The following SLC10A7 variants were observed in gnomAD, a reference collection of about 807,000 sequenced individuals.
The protein encoded by SLC10A7 is sodium/bile acid cotransporter 7.
In SLC10A7, 29 loss-of-function variants were observed where a neutral mutation model predicts 43.2. That is an observed-to-expected ratio of 0.67 (90% CI 0.50 to 0.92). The LOEUF (loss-of-function observed/expected upper bound fraction) is 0.92, where lower values mean the gene tolerates loss of function less well. Among genes scored for constraint, SLC10A7 ranks in the 40% least tolerant of loss-of-function variants. SLC10A7 has a pLI of 0.00. For missense variants in SLC10A7, 295 were observed against 403.2 expected (o/e 0.73, Z 2.30); for synonymous variants, 152 against 144.8 (o/e 1.05, Z -0.35).
chr4:146,409,269 A>G (rs934863104), intron 5 of SLC10A7, among the ~76,000 whole-genome samples: 6 of 152,028 alleles, frequency 3.9e-5, no homozygotes, highest in Non-Finnish European at 8.8e-5. Context: ...AATCTCTTCT[A>G]AAAAGTAAGT....
chr4:146,272,685 G>T (rs955353721), intron 10 of SLC10A7, among the ~76,000 whole-genome samples: 6 of 152,190 alleles, frequency 3.9e-5, no homozygotes, highest in African/African-American at 1.4e-4. Flanking sequence ...CTGTTTGCAA[G>T]TTGAAATTGA....
intron 5 of SLC10A7, among the ~76,000 whole-genome samples, chr4:146,370,598 A>C (rs1240836746): frequency 1.3e-5 from 2 of 152,214 alleles, no homozygotes; most frequent in East Asian, 3.8e-4. Context: ...TTCAGGGCAC[A>C]AAGAAGAATA....
rs1044512184 is a variant in SLC10A7 at position 146,352,100 on chromosome 4, A to G, written c.436-26104T>C. ...AAAGACACAGACTGGCAAGTTGGAT[A>G]AAGAGTCAAGACCCATCAGTGTGCT... On this transcript the variant is annotated intron_variant, in intron 5 of 11. Coordinates refer to ENST00000335472, the MANE Select transcript of SLC10A7 (RefSeq NM_001029998.6). 5.4e-4 allele frequency among the ~76,000 whole-genome samples: 57 copies of G among 106,470 alleles called. 1 individual carries two copies. Among genetic ancestry groups the G allele is most frequent in the African/African-American group, 2.5e-3 (56 of 22,040 alleles). The allele number at this position is 106,470 out of a possible 152,430, so 69.8% of individuals were successfully genotyped here.
At chr4:146,339,834 A>T (rs754951490) in intron 5 of SLC10A7, among the ~76,000 whole-genome samples, 23 of 148,000 alleles carry the variant, frequency 1.6e-4, no homozygotes, top group Non-Finnish European at 9.0e-5. Context: ...TTTTACTTTA[A>T]GTTCCAGGAT....
intron 5 of SLC10A7, among the ~76,000 whole-genome samples, chr4:146,339,841 G>A (rs1463660094): frequency 6.8e-6 from 1 of 147,782 alleles, no homozygotes; most frequent in Non-Finnish European, 1.5e-5. Context: ...TTAAGTTCCA[G>A]GATACATGTG....
At chr4:146,330,856 C>T (rs1400183272) in intron 5 of SLC10A7, among the ~76,000 whole-genome samples, 1 of 152,022 alleles carries the variant, frequency 6.6e-6, no homozygotes, top group African/African-American at 2.4e-5. Flanking sequence ...CTGGCTGAAG[C>T]TTTCTCATGA....
chr4:146,293,975 T>C lies in SLC10A7; in HGVS notation c.676A>G (p.Asn226Asp). Residue 226 changes from asparagine to aspartate, a missense_variant, in exon 8 of 12, where the codon AAT (asparagine) becomes GAT (aspartate). Transcript: ENST00000335472. ...AGGCTGAATTTATCCAGGTCAATAT[T>C]TGGGTTAGAGAACGTGTCACAGAAT... ...TTFCDTFSNP[N>D]IDLDKFSLVL... 6.2e-7 allele frequency: 1 copy of C among 1,613,356 alleles called. No homozygotes were observed. Among genetic ancestry groups the C allele is most frequent in the South Asian group, 1.1e-5 (1 of 90,976 alleles).
intron 4 of SLC10A7, among the ~76,000 whole-genome samples, chr4:146,469,036 C>G (rs1352941103): frequency 6.6e-6 from 1 of 152,020 alleles, no homozygotes; most frequent in African/African-American, 2.4e-5. Context: ...TCAGGGTTCT[C>G]CTGAAATTTC....
chr4:146,260,783 G>A (rs1026121913), intron 10 of SLC10A7, among the ~76,000 whole-genome samples: 1 of 152,136 alleles, frequency 6.6e-6, no homozygotes, highest in African/African-American at 2.4e-5. Flanking sequence ...AAGGGAGAGG[G>A]CCTGGCATGC....
chr4:146,388,380 TG>T (rs374407153), intron 5 of SLC10A7, among the ~76,000 whole-genome samples: 23 of 152,044 alleles, frequency 1.5e-4, no homozygotes, highest in African/African-American at 5.5e-4. Flanking sequence ...ATACAGAAAA[TG>T]AAACTGGACC....
chr4:146,441,030 C>G (rs1579193636), intron 5 of SLC10A7, among the ~76,000 whole-genome samples: 2 of 152,118 alleles, frequency 1.3e-5, no homozygotes, highest in Admixed American at 6.5e-5. Context: ...CATTGCATTT[C>G]TTTTTCTACA....
intron 5 of SLC10A7, among the ~76,000 whole-genome samples, chr4:146,410,782 A>G (rs1014029526): frequency 2.0e-5 from 3 of 152,088 alleles, no homozygotes; most frequent in Non-Finnish European, 4.4e-5. Flanking sequence ...CTTAATGAAG[A>G]TTGTTTTAAA....
intron 5 of SLC10A7, among the ~76,000 whole-genome samples, chr4:146,388,849 T>A (rs2149800644): frequency 6.6e-6 from 1 of 151,164 alleles, no homozygotes; most frequent in Middle Eastern, 3.4e-3. Flanking sequence ...AATTCATGAC[T>A]AAGTCCTCAA....
chr4:146,428,549 C>T (rs1729538602), intron 5 of SLC10A7, among the ~76,000 whole-genome samples: 2 of 145,214 alleles, frequency 1.4e-5, no homozygotes, highest in African/African-American at 2.5e-5. Flanking sequence ...CACCTTGGCT[C>T]TTTTTTTTTT....
At chr4:146,287,813 TTTGGTTTTC>T (rs1228024037) in intron 9 of SLC10A7, among the ~76,000 whole-genome samples, 1 of 152,146 alleles carries the variant, frequency 6.6e-6, no homozygotes, top group Non-Finnish European at 1.5e-5. Context: ...GGTTTATGCA[TTTGGTTTTC>T]TTCCTAGAGT....
rs899425643 is a variant in SLC10A7 at position 146,254,015 on chromosome 4, T to C, written c.*2476A>G. Reference sequence around the variant, plus strand: ...CTGAAACATTCTTTGTTTAATCATATAATTATTTTCATCTTCCAGTCATCA... The same window carrying C: ...CTGAAACATTCTTTGTTTAATCATACAATTATTTTCATCTTCCAGTCATCA... On this transcript the variant is annotated 3_prime_UTR_variant, in exon 12 of 12. Transcript: ENST00000335472. 6 of 152,264 alleles carry C rather than the reference T, an allele frequency of 3.9e-5. No homozygotes were observed. Among genetic ancestry groups the C allele is most frequent in the African/African-American group, 7.2e-5 (3 of 41,474 alleles). The allele number at this position is 152,264 out of a possible 1,614,324, so 9.4% of individuals were successfully genotyped here. A position where few individuals can be genotyped will look rare whatever the true frequency, so the allele number is the denominator to read the frequency against.
chr4:146,311,116 C>A (rs1731948034), intron 6 of SLC10A7, among the ~76,000 whole-genome samples: 1 of 152,046 alleles, frequency 6.6e-6, no homozygotes, highest in Admixed American at 6.6e-5. Context: ...ACAATGAATG[C>A]CTTAGGACAT....
At chr4:146,459,619 A>C (rs1362173235) in intron 4 of SLC10A7, among the ~76,000 whole-genome samples, 2 of 151,304 alleles carry the variant, frequency 1.3e-5, no homozygotes, top group Non-Finnish European at 1.5e-5. Context: ...CACACACAAA[A>C]AAAAAAAACG....
intron 5 of SLC10A7, among the ~76,000 whole-genome samples, chr4:146,411,787 T>A (rs1323288318): frequency 1.3e-5 from 2 of 152,164 alleles, no homozygotes; most frequent in Non-Finnish European, 2.9e-5. Flanking sequence ...CTATAGGTGA[T>A]CTGTTTCTTG....
Sources: gnomAD v4.1 joint callset for allele counts (sites outside exome capture counted in the v4.1 genomes callset) on GRCh38, gnomAD v4.1.1 for gene constraint, MANE v1.5 for transcripts, NCBI Gene and HGNC (gene_info 2026-07-23, HGNC 2026-07-21) for gene names.